Variants in NELL1 observed in about 807,000 individuals in gnomAD.
NELL1 encodes neural EGFL like 1, also known as protein kinase C-binding protein NELL1.
In NELL1, 76 loss-of-function variants were observed where a neutral mutation model predicts 107.4. The observed-to-expected ratio is 0.71, with a 90% confidence interval of 0.59 to 0.86. NELL1 has a LOEUF of 0.86. Among genes scored for constraint, NELL1 ranks in the 40% least tolerant of loss-of-function variants. The pLI is 0.00. For synonymous variants in NELL1, 353 were observed against 341.2 expected, an observed-to-expected ratio of 1.03 and a Z score of -0.38; for missense variants, 1,024 against 1,005.5, an observed-to-expected ratio of 1.02 and a Z score of -0.25.
At chr11:20,720,720 T>C (rs1855360842) in intron 2 of NELL1, among the ~76,000 whole-genome samples, 1 of 152,166 alleles carries the variant, frequency 6.6e-6, no homozygotes, top group Non-Finnish European at 1.5e-5. Context: ...GTCTTCTCTC[T>C]ATGTCTCTTC....
At chr11:20,955,197 C>T (rs1851146007) in intron 11 of NELL1, among the ~76,000 whole-genome samples, 1 of 152,134 alleles carries the variant, frequency 6.6e-6, no homozygotes, top group African/African-American at 2.4e-5. Context: ...CCTCTCAAGC[C>T]CTTATAGAAG....
chr11:21,151,723 A>T (rs1423376899), intron 13 of NELL1, among the ~76,000 whole-genome samples: 1 of 152,176 alleles, frequency 6.6e-6, no homozygotes, highest in Non-Finnish European at 1.5e-5. Flanking sequence ...TTAAAGATGA[A>T]ATCTTGATGA....
chr11:21,411,721 G>T (rs546077670), intron 15 of NELL1, among the ~76,000 whole-genome samples: 32 of 152,120 alleles, frequency 2.1e-4, no homozygotes, highest in African/African-American at 6.7e-4. Flanking sequence ...TTAAAAAGAC[G>T]AGATTCAATG....
chr11:20,885,398 C>T, intron 4 of NELL1, 46 bp from the exon 5 acceptor site: 1 of 1,261,526 alleles, frequency 7.9e-7, no homozygotes, highest in Non-Finnish European at 1.2e-6. Flanking sequence ...CCTTTTGGTT[C>T]TGCTTTGAGC....
intron 14 of NELL1, among the ~76,000 whole-genome samples, chr11:21,252,985 CT>C (rs1324894745): frequency 1.3e-5 from 2 of 151,948 alleles, no homozygotes; most frequent in African/African-American, 4.8e-5. Flanking sequence ...CTATACTTTA[CT>C]TTGAAGTATT....
rs930515219 is a variant in NELL1 at position 21,378,463 on chromosome 11, A to G, written c.1645+7515A>G. ...GACTGGATGATATCCATCATGTGCT[A>G]TGAGAGGCACACCTTCTTACAGTCT... On this transcript the variant is annotated intron_variant, in intron 15 of 19. Coordinates refer to ENST00000357134, the MANE Select transcript of NELL1 (RefSeq NM_006157.5). Among the ~76,000 whole-genome samples the G allele has an allele frequency of 2.6e-4, 39 of 151,848 alleles. 1 individual carries two copies. The highest frequency in any genetic ancestry group is 5.2e-4 in the Non-Finnish European group (35 of 67,934).
intron 12 of NELL1, among the ~76,000 whole-genome samples, chr11:21,053,746 T>C (rs1853551428): frequency 6.6e-6 from 1 of 152,170 alleles, no homozygotes; most frequent in African/African-American, 2.4e-5. Flanking sequence ...TTGTCAGGCC[T>C]GGGAAGGTTT....
intron 14 of NELL1, among the ~76,000 whole-genome samples, chr11:21,278,869 A>T (rs1157270333): frequency 6.6e-6 from 1 of 152,192 alleles, no homozygotes; most frequent in Admixed American, 6.5e-5. Context: ...ACACTACCAG[A>T]TGTGAAGACT....
At chr11:21,569,900 A>G (rs1857059621) in intron 17 of NELL1, among the ~76,000 whole-genome samples, 1 of 151,808 alleles carries the variant, frequency 6.6e-6, no homozygotes, top group African/African-American at 2.4e-5. Context: ...GGTTTTTTAA[A>G]ATATTCAGCA....
intron 14 of NELL1, among the ~76,000 whole-genome samples, chr11:21,329,527 A>G (rs1269493245): frequency 2.0e-5 from 3 of 152,160 alleles, no homozygotes; most frequent in African/African-American, 7.2e-5. Context: ...TAACATATTC[A>G]TCATCTCATA....
intron 15 of NELL1, among the ~76,000 whole-genome samples, chr11:21,466,231 G>A (rs992588611): frequency 1.3e-5 from 2 of 152,108 alleles, no homozygotes; most frequent in Non-Finnish European, 2.9e-5. Context: ...TGGTGACAGG[G>A]CAGTCTTTCA....
intron 2 of NELL1, among the ~76,000 whole-genome samples, chr11:20,686,081 TA>T (rs1022929855): frequency 1.1e-3 from 164 of 148,822 alleles, no homozygotes; most frequent in African/African-American, 3.6e-3. Flanking sequence ...GTGCAAAGTG[TA>T]AAAAAAAAAC....
intron 12 of NELL1, among the ~76,000 whole-genome samples, chr11:20,990,006 A>G (rs1262918991): frequency 6.6e-6 from 1 of 151,952 alleles, no homozygotes; most frequent in Non-Finnish European, 1.5e-5. Context: ...CAAAAAAAAA[A>G]AAAAAGAAAT....
intron 12 of NELL1, among the ~76,000 whole-genome samples, chr11:20,976,991 C>T (rs1287349984): frequency 1.3e-5 from 2 of 151,094 alleles, no homozygotes; most frequent in African/African-American, 2.4e-5. Flanking sequence ...GAGAATGGTT[C>T]GTCATTTTGC....
chr11:21,237,650 T>C (rs1413022672), intron 14 of NELL1, among the ~76,000 whole-genome samples: 2 of 152,064 alleles, frequency 1.3e-5, no homozygotes, highest in East Asian at 3.9e-4. Context: ...TCTGGTTATC[T>C]AACTGGAAAA....
intron 5 of NELL1, among the ~76,000 whole-genome samples, chr11:20,891,325 T>G (rs1276065679): frequency 6.6e-6 from 1 of 152,170 alleles, no homozygotes; most frequent in Non-Finnish European, 1.5e-5. Context: ...GGGATTTTGT[T>G]ACCACCAGGC....
rs1857190545 is a variant in NELL1 at position 21,575,089 on chromosome 11, A to T, written c.*67A>T. 1 of 1,368,756 alleles carries T rather than the reference A, an allele frequency of 7.3e-7. No individual in the cohort carries two copies. The highest frequency in any genetic ancestry group is 1.4e-5 in the African/African-American group (1 of 69,610). 84.8% of individuals were successfully genotyped at this position (1,368,756 alleles called of 1,614,324 possible). On this transcript the variant is annotated 3_prime_UTR_variant, in exon 20 of 20. Transcript: ENST00000357134. ...ACCATCCAACGTGATTAAGGATAGG[A>T]ATCGGTAGTTTGGTTTTTTTGTTTG... is the stretch of plus-strand genomic sequence containing the variant.
At chr11:21,083,492 A>C (rs978374003) in intron 12 of NELL1, among the ~76,000 whole-genome samples, 1 of 152,182 alleles carries the variant, frequency 6.6e-6, no homozygotes. Context: ...ACTGCTTCTC[A>C]GAACAATTCT....
chr11:20,732,216 G>C (rs956267071), intron 2 of NELL1, among the ~76,000 whole-genome samples: 1 of 152,086 alleles, frequency 6.6e-6, no homozygotes, highest in African/African-American at 2.4e-5. Flanking sequence ...CTGAGACCTA[G>C]ATAGAACTTT....
Sources: gnomAD v4.1 joint callset for allele counts (sites outside exome capture counted in the v4.1 genomes callset) on GRCh38, gnomAD v4.1.1 for gene constraint, MANE v1.5 for transcripts, NCBI Gene and HGNC (gene_info 2026-07-23, HGNC 2026-07-21) for gene names.